The following KIRREL3 variants were observed in gnomAD, a reference collection of about 807,000 sequenced individuals.
The protein encoded by KIRREL3 is kin of IRRE-like protein 3.
In KIRREL3, 36 loss-of-function variants were observed where a neutral mutation model predicts 89.7. The observed-to-expected ratio is 0.40, with a 90% CI of 0.31 to 0.53. The LOEUF is 0.53. Ranked by LOEUF, KIRREL3 falls within the 20% of genes least tolerant of loss-of-function variation. The pLI, the probability that KIRREL3 is intolerant of heterozygous loss-of-function variation, is 0.49. For synonymous variants in KIRREL3, 445 were observed against 441.4 expected (o/e 1.01, Z -0.10); for missense variants, 864 against 1,056.6 (o/e 0.82, Z 2.53).
rs372448026 is a variant in KIRREL3, at chr11:126,456,466, G to A, written c.743-12C>T. 1.5e-4 allele frequency: 231 copies of A among 1,535,432 alleles called. No individual in the cohort carries two copies. The highest frequency in any genetic ancestry group is 1.9e-4 in the Non-Finnish European group (216 of 1,129,586). Reference sequence around the variant, plus strand: ...GACCAGTGGAGGGTCTGCAGGGAGAGGAGAGTCACTTGTAGACCGGAGAAA... The same window carrying A: ...GACCAGTGGAGGGTCTGCAGGGAGAAGAGAGTCACTTGTAGACCGGAGAAA... On this transcript the variant is annotated splice_polypyrimidine_tract_variant and intron_variant, in intron 6 of 16. Coordinates refer to ENST00000525144, the MANE Select transcript of KIRREL3 (RefSeq NM_032531.4).
intron 1 of KIRREL3, among the ~76,000 whole-genome samples, chr11:126,816,532 G>A (rs1026017279): frequency 1.3e-5 from 2 of 152,140 alleles, no homozygotes; most frequent in Non-Finnish European, 2.9e-5. Flanking sequence ...TTAGAGACCC[G>A]CTGTGGAGAA....
At chr11:126,536,928 G>A (rs1198279914) in intron 2 of KIRREL3, among the ~76,000 whole-genome samples, 1 of 152,154 alleles carries the variant, frequency 6.6e-6, no homozygotes, top group East Asian at 1.9e-4. Context: ...TTACAGGCAT[G>A]AGCCATTGCA....
Position 126,522,614 on chromosome 11 carries a change from A to G in KIRREL3, c.284-1150T>C, listed in dbSNP as rs955347135. ...CGTTCCTGCTGCTGTGTAGGGTTGA[A>G]TATAAATGCCAACTGAAGTTGTGGC... On this transcript the variant is annotated intron_variant, in intron 3 of 16. Coordinates refer to ENST00000525144, the MANE Select transcript of KIRREL3 (RefSeq NM_032531.4). The surrounding 1 kb of genome is among the most constrained non-coding windows in gnomAD (Gnocchi z 6.0). Among the ~76,000 whole-genome samples the G allele has an allele frequency of 6.6e-6, 1 of 152,270 alleles. No homozygotes were observed. The highest frequency in any genetic ancestry group is 2.4e-5 in the African/African-American group (1 of 41,476).
At chr11:126,974,063 G>A (rs1949504032) in intron 1 of KIRREL3, among the ~76,000 whole-genome samples, 1 of 152,086 alleles carries the variant, frequency 6.6e-6, no homozygotes. Flanking sequence ...GTGCATAGGA[G>A]GTACTCATTG....
chr11:126,473,058 C>CAA (rs1565482813), intron 5 of KIRREL3, among the ~76,000 whole-genome samples: 39 of 20,934 alleles, frequency 1.9e-3, no homozygotes, highest in East Asian at 3.5e-3. Context: ...AGCCCCTCTC[C>CAA]CCAGCCCCCA....
rs1305293969 is a variant in KIRREL3 at position 126,570,174 on chromosome 11, T to C, written c.56-7262A>G. On this transcript the variant is annotated intron_variant, in intron 1 of 16. Transcript: ENST00000525144. This position sits in a 1 kb window ranked among gnomAD's most constrained non-coding sequence, Gnocchi z 6.1. ...ATACCTGTTTTATAATTTTTGGATC[T>C]CATTGCTTGCTAATTCTAAGTTTAC... Among the ~76,000 whole-genome samples, 1 of 152,320 alleles carries C rather than the reference T, an allele frequency of 6.6e-6. No individual in the cohort carries two copies. The highest frequency in any genetic ancestry group is 2.4e-5 in the African/African-American group (1 of 41,580).
chr11:126,700,280 A>G (rs993659833), intron 1 of KIRREL3, among the ~76,000 whole-genome samples: 1 of 151,806 alleles, frequency 6.6e-6, no homozygotes, highest in Non-Finnish European at 1.5e-5. Context: ...CTTATTTCCT[A>G]CTTTCTGAAA....
rs1391827038 is a variant in KIRREL3, at chr11:126,475,681, C to G, written c.434-2215G>C. Among the ~76,000 whole-genome samples the G allele has an allele frequency of 2.6e-5, 4 of 152,228 alleles. No homozygotes were observed. Among genetic ancestry groups the G allele is most frequent in the African/African-American group, 9.6e-5 (4 of 41,470 alleles). On this transcript the variant is annotated intron_variant, in intron 4 of 16. Coordinates refer to ENST00000525144, the MANE Select transcript of KIRREL3 (RefSeq NM_032531.4). This position sits in a 1 kb window ranked among gnomAD's most constrained non-coding sequence, Gnocchi z 7.5. Reference sequence around the variant, plus strand: ...TGGGATGGATGGAGAAGACGACCCCCCAGCCGCCCACCCCACACCCTTTCA... The same window carrying G: ...TGGGATGGATGGAGAAGACGACCCCGCAGCCGCCCACCCCACACCCTTTCA...
chr11:126,457,183 TTA>T (rs1956372943), intron 6 of KIRREL3, among the ~76,000 whole-genome samples: 3 of 70,664 alleles, frequency 4.2e-5, no homozygotes, highest in South Asian at 1.3e-3. Context: ...GGAAGAGAGA[TTA>T]TGTGTGTGTG....
intron 1 of KIRREL3, among the ~76,000 whole-genome samples, chr11:126,907,785 C>T (rs1482424691): frequency 1.3e-5 from 2 of 152,072 alleles, no homozygotes; most frequent in African/African-American, 4.8e-5. Flanking sequence ...GCAACCTCAT[C>T]TCCTCCCATT....
intron 7 of KIRREL3, among the ~76,000 whole-genome samples, chr11:126,449,846 C>T (rs528771929): frequency 6.9e-4 from 105 of 152,332 alleles, no homozygotes; most frequent in Non-Finnish European, 1.3e-3. Flanking sequence ...GGTGTCTCCT[C>T]GCCCCAGAAA....
intron 3 of KIRREL3, among the ~76,000 whole-genome samples, chr11:126,524,820 A>T (rs541675404): frequency 2.0e-5 from 3 of 152,202 alleles, no homozygotes; most frequent in African/African-American, 7.2e-5. Context: ...TGCTGAATTG[A>T]GTTGAGGGCT....
chr11:126,464,645 G>A (rs1008621152), intron 5 of KIRREL3, among the ~76,000 whole-genome samples: 2 of 152,152 alleles, frequency 1.3e-5, no homozygotes, highest in African/African-American at 4.8e-5. Context: ...GAGAAACAGA[G>A]AAGGCCAGGT....
chr11:126,505,870 A>G (rs1957999993), intron 4 of KIRREL3, among the ~76,000 whole-genome samples: 1 of 152,222 alleles, frequency 6.6e-6, no homozygotes, highest in Non-Finnish European at 1.5e-5. Context: ...TAAGGTGGCA[A>G]TTAATTCTAA....
chr11:126,785,506 G>T (rs2134341672), intron 1 of KIRREL3, among the ~76,000 whole-genome samples: 1 of 152,222 alleles, frequency 6.6e-6, no homozygotes, highest in Non-Finnish European at 1.5e-5. Flanking sequence ...GGGCAGGAGA[G>T]CCCAGGTGTT....
At position 126,490,446 on chromosome 11, in the gene KIRREL3, T is replaced by C. The variant is rs1957481236; in HGVS notation, c.434-16980A>G. Among the ~76,000 whole-genome samples the C allele has an allele frequency of 1.3e-5, 2 of 151,880 alleles. No individual in the cohort carries two copies. Among genetic ancestry groups the C allele is most frequent in the South Asian group, 2.1e-4 (1 of 4,816 alleles). Reference sequence around the variant, plus strand: ...TTCCACGGGTGCTCAGAAAAGACCATGTAGGCCTGTGTTCCACGGGTGCTC... The same window carrying C: ...TTCCACGGGTGCTCAGAAAAGACCACGTAGGCCTGTGTTCCACGGGTGCTC... On this transcript the variant is annotated intron_variant, in intron 4 of 16. Transcript: ENST00000525144. The surrounding 1 kb of genome is among the most constrained non-coding windows in gnomAD (Gnocchi z 4.2).
intron 1 of KIRREL3, among the ~76,000 whole-genome samples, chr11:126,864,243 G>A (rs1944846707): frequency 6.6e-6 from 1 of 152,202 alleles, no homozygotes; most frequent in African/African-American, 2.4e-5. Context: ...AACTTGGAGT[G>A]CCAAAGTTCA....
chr11:126,811,375 C>G lies in KIRREL3; in HGVS notation c.55+189080G>C, dbSNP rs1951381823. Reference sequence around the variant, plus strand: ...CCGTGTGGTTGCTGGCCTGTAAGCTCCAAGAGGGTAGGGGGCTGTGTCTGA... The same window carrying G: ...CCGTGTGGTTGCTGGCCTGTAAGCTGCAAGAGGGTAGGGGGCTGTGTCTGA... On this transcript the variant is annotated intron_variant, in intron 1 of 16. Coordinates refer to ENST00000525144, the MANE Select transcript of KIRREL3 (RefSeq NM_032531.4). This position sits in a 1 kb window ranked among gnomAD's most constrained non-coding sequence, Gnocchi z 4.3. 6.6e-6 allele frequency among the ~76,000 whole-genome samples: 1 copy of G among 152,160 alleles called. No homozygotes were observed. The highest frequency in any genetic ancestry group is 2.1e-4 in the South Asian group (1 of 4,822).
chr11:126,678,516 C>T (rs573146135), intron 1 of KIRREL3, among the ~76,000 whole-genome samples: 94 of 136,330 alleles, frequency 6.9e-4, no homozygotes, highest in Non-Finnish European at 1.2e-3. Context: ...AGGAGAATGG[C>T]GTGAACCTGG....
Sources: gnomAD v4.1 joint callset for allele counts (sites outside exome capture counted in the v4.1 genomes callset) on GRCh38, gnomAD v4.1.1 for gene constraint, Gnocchi (gnomAD v3.1) non-coding constraint, MANE v1.5 for transcripts, NCBI Gene and HGNC (gene_info 2026-07-23, HGNC 2026-07-21) for gene names.